The following SEPTIN12 variants were observed in gnomAD, a reference collection of about 807,000 sequenced individuals.
SEPTIN12 encodes septin-12.
In SEPTIN12, 42 loss-of-function variants were observed where a neutral mutation model predicts 37.7. The observed-to-expected ratio is 1.11, with a 90% CI of 0.87 to 1.44. The LOEUF (loss-of-function observed/expected upper bound fraction) is 1.44, where lower values mean the gene tolerates loss of function less well. Among genes scored for constraint, SEPTIN12 ranks in the 40% most tolerant of loss-of-function variants. The pLI, the probability that SEPTIN12 is intolerant of heterozygous loss-of-function variation, is 0.00. For synonymous variants in SEPTIN12, 254 were observed against 196.7 expected (o/e 1.29, Z -2.44); for missense variants, 613 against 479.2 (o/e 1.28, Z -2.61).
At chr16:4,784,348 G>C (rs1334484349) in intron 4 of SEPTIN12, 1 of 410,420 alleles carries the variant, frequency 2.4e-6, no homozygotes, top group African/African-American at 2.0e-5. Context: ...TGTATTAAAG[G>C]GCCACAGCTG....
Position 4,787,629 on chromosome 16 carries a change from C to A in SEPTIN12, c.17G>T (p.Arg6Leu). MDPLR[R>L]SPSPCLSSQP... ...CGAGGACAGGCAGGGAGAGGGGGAGCGCCTCAGGGGGTCCATGGGGGCCAA... is the reference window on the plus strand; with the variant it reads ...CGAGGACAGGCAGGGAGAGGGGGAGAGCCTCAGGGGGTCCATGGGGGCCAA... Residue 6 changes from arginine to leucine, a missense_variant, in exon 2 of 10, where the codon CGC becomes CTC. Transcript: ENST00000268231. 6 of 1,592,902 alleles carry A rather than the reference C, an allele frequency of 3.8e-6. No homozygotes were observed. The highest frequency in any genetic ancestry group is 5.1e-6 in the Non-Finnish European group (6 of 1,173,580).
intron 2 of SEPTIN12, 54 bp from the exon 3 acceptor site, chr16:4,786,159 T>C: frequency 6.5e-7 from 1 of 1,531,342 alleles, no homozygotes; most frequent in Non-Finnish European, 8.8e-7. Context: ...AGGCAGTTTT[T>C]CTCTAACTCT....
chr16:4,783,328 G>C (rs2082393206), intron 7 of SEPTIN12, 134 bp downstream of exon 7: 3 of 730,622 alleles, frequency 4.1e-6, no homozygotes, highest in South Asian at 3.2e-5. Flanking sequence ...TTGAGCTTGT[G>C]GATGAGTAGA....
Position 4,777,811 on chromosome 16 carries a change from C to A in SEPTIN12, c.1063G>T (p.Asp355Tyr). The A allele has an allele frequency of 6.4e-7, 1 of 1,563,750 alleles. No individual in the cohort carries two copies. The highest frequency in any genetic ancestry group is 8.7e-7 in the Non-Finnish European group (1 of 1,155,624). The change falls in exon 10 of 10, where the codon GAT becomes TAT. Residue 355 changes from aspartate to tyrosine, a missense_variant. Physicochemically the swap from Asp to Tyr is radical, Grantham distance 160 (BLOSUM62 -3). Transcript: ENST00000268231. ...TCCGCCGGTGGTCAGAACTCATCAT[C>A]AGAATCGTCATGGGCCCCCCTGCAG... ...KVCRGAHDDSDDEF is the reference protein window; with the variant it reads ...KVCRGAHDDSYDEF
chr16:4,778,086 C>G lies in SEPTIN12; in HGVS notation c.875G>C (p.Arg292Pro). Reference sequence around the variant, plus strand: ...AGCCCCAGGCTCCCCACACCCTCACCGGATAAGCAGGTCTCTCAGGAGAGG... The same window carrying G: ...AGCCCCAGGCTCCCCACACCCTCACGGGATAAGCAGGTCTCTCAGGAGAGG... The part of the protein sequence containing the change: ...EFPLLRDLLI[R>P]SHLQDLKDIT... The change falls in exon 9 of 10, where the codon CGC (arginine) becomes CCC (proline). Residue 292 changes from arginine (R) to proline (P), a missense_variant and splice_region_variant. Coordinates refer to ENST00000268231, the MANE Select transcript of SEPTIN12 (RefSeq NM_144605.5). 6.2e-7 allele frequency: 1 copy of G among 1,614,124 alleles called. No individual in the cohort carries two copies. Among genetic ancestry groups the G allele is most frequent in the Non-Finnish European group, 8.5e-7 (1 of 1,179,992 alleles).
At chr16:4,783,307 T>A in intron 7 of SEPTIN12, 155 bp downstream of exon 7, 1 of 660,772 alleles carries the variant, frequency 1.5e-6, no homozygotes, top group South Asian at 1.7e-5. Flanking sequence ...AGCTGTTATT[T>A]CTTGCTCACC....
chr16:4,785,963 G>A lies in SEPTIN12; in HGVS notation c.292+17C>T. 1 of 1,611,588 alleles carries A rather than the reference G, an allele frequency of 6.2e-7. No individual in the cohort carries two copies. The highest frequency in any genetic ancestry group is 8.5e-7 in the Non-Finnish European group (1 of 1,178,332). On this transcript the variant is annotated intron_variant, in intron 3 of 9. Transcript: ENST00000268231. The stretch of plus-strand genomic sequence containing the variant: ...GTGGGGCAGGGTGGGGTGAGGTGTG[G>A]GCAGGGGCTCACTCACCATGGGTCA...
chr16:4,790,733 G>A (rs1022652679), upstream of SEPTIN12, among the ~76,000 whole-genome samples: 1 of 152,186 alleles, frequency 6.6e-6, no homozygotes, highest in Admixed American at 6.6e-5. Flanking sequence ...AGGTTGCAGT[G>A]AGCCGAGATC....
At chr16:4,787,406 A>T in intron 2 of SEPTIN12, 74 bp downstream of exon 2, 1 of 1,399,506 alleles carries the variant, frequency 7.1e-7, no homozygotes, top group Non-Finnish European at 1.0e-6. Context: ...ACAGGCTGCC[A>T]AAGGTGAGGC....
intron 2 of SEPTIN12, among the ~76,000 whole-genome samples, chr16:4,786,436 G>A (rs569084109): frequency 1.0e-4 from 15 of 149,480 alleles, no homozygotes; most frequent in African/African-American, 3.5e-4. Flanking sequence ...TTCACTGCAA[G>A]CTCCGCCTCC....
Position 4,785,813 on chromosome 16 carries a change from T to A in SEPTIN12, c.368A>T (p.Asp123Val). Residue 123 changes from aspartate to valine, a missense_variant, in exon 4 of 10, where the codon GAC (aspartate) becomes GTC (valine). Transcript: ENST00000268231. ...TPGFGDQINN[D>V]NCWDPILGYI... ...AAAAAGAGAGAGAACCTACCAGTTG[T>A]CATTGTTGATCTGGTCCCCGAAGCC... The A allele has an allele frequency of 6.2e-7, 1 of 1,602,202 alleles. No homozygotes were observed. Among genetic ancestry groups the A allele is most frequent in the Non-Finnish European group, 8.5e-7 (1 of 1,172,318 alleles).
At chr16:4,781,283 A>AT (rs953603899) in intron 7 of SEPTIN12, among the ~76,000 whole-genome samples, 1 of 147,954 alleles carries the variant, frequency 6.8e-6, no homozygotes, top group Admixed American at 6.6e-5. Context: ...ACCCTATCTC[A>AT]TAAAAAAAAC....
chr16:4,778,270 G>T (rs1179159863), intron 8 of SEPTIN12, 133 bp from the exon 9 acceptor site: 2 of 943,846 alleles, frequency 2.1e-6, no homozygotes, highest in African/African-American at 1.6e-5. Context: ...CCTTCCCTTT[G>T]TTGGTTCATT....
chr16:4,778,461 A>G (rs1001089016), intron 8 of SEPTIN12, among the ~76,000 whole-genome samples: 3 of 152,186 alleles, frequency 2.0e-5, no homozygotes, highest in Non-Finnish European at 4.4e-5. Context: ...GGGTCCTGGA[A>G]CCACCCTCTG....
intron 2 of SEPTIN12, among the ~76,000 whole-genome samples, chr16:4,786,921 C>T (rs575765522): frequency 1.3e-5 from 2 of 152,232 alleles, no homozygotes; most frequent in South Asian, 2.1e-4. Context: ...GTCACCCAGG[C>T]TGGAGTACAG....
At chr16:4,788,377 G>C (rs541136660), upstream of SEPTIN12, 1 of 152,762 alleles carries the variant, frequency 6.5e-6, no homozygotes. Context: ...ACAGTTAACC[G>C]AAGAATCTGA....
chr16:4,785,229 T>C (rs12445027), intron 4 of SEPTIN12, among the ~76,000 whole-genome samples: 66,678 of 149,814 alleles, frequency 0.45, 14,812 homozygotes, highest in Admixed American at 0.5. Flanking sequence ...CTGGCCTGGG[T>C]GACAAGAGCG....
chr16:4,778,195 C>T lies in SEPTIN12; in HGVS notation c.824-58G>A, dbSNP rs533337542. The T allele has an allele frequency of 4.6e-6, 7 of 1,529,254 alleles. No homozygotes were observed. In the East Asian group the frequency reaches 6.7e-5, roughly 15 times the overall value. The allele number at this position is 1,529,254 out of a possible 1,614,324, so 94.7% of individuals were successfully genotyped here. Reference sequence around the variant, plus strand: ...TTAGTGAGCACTGAGTAAGTGCCTACTGTATGCACCACCTGACACCATTTC... The same window carrying T: ...TTAGTGAGCACTGAGTAAGTGCCTATTGTATGCACCACCTGACACCATTTC... On this transcript the variant is annotated intron_variant, in intron 8 of 9. Coordinates refer to ENST00000268231, the MANE Select transcript of SEPTIN12 (RefSeq NM_144605.5).
rs565211440 is a variant in SEPTIN12 at position 4,783,748 on chromosome 16, A to T, written c.531T>A (p.Ile177=). ...TCCGGCACAGCCGCTGCAGGAACTC[A>T]ATGTCCAGGGGCCGCAGGCTGCCGG... ...PTGHCLRPLD[I]EFLQRLCRTV... The change falls in exon 6 of 10, where the codon ATT becomes ATA. Residue 177 remains isoleucine (I), a synonymous_variant. Coordinates refer to ENST00000268231, the MANE Select transcript of SEPTIN12 (RefSeq NM_144605.5). The T allele has an allele frequency of 9.9e-6, 16 of 1,613,880 alleles. No homozygotes were observed. Among genetic ancestry groups the T allele is most frequent in the African/African-American group, 2.7e-5 (2 of 75,046 alleles).
Sources: allele counts gnomAD v4.1 joint callset (sites outside exome capture counted in the v4.1 genomes callset), GRCh38; gene constraint gnomAD v4.1.1; transcripts MANE v1.5; gene names NCBI Gene and HGNC (gene_info 2026-07-23, HGNC 2026-07-21).